Variants in PRPF4 observed in about 807,000 individuals in gnomAD.
PRPF4 encodes pre-mRNA splicing tri-snRNP complex factor PRPF4.
A neutral mutation model predicts 72.2 loss-of-function variants in PRPF4; 14 were observed. The observed-to-expected ratio is 0.19, with a 90% CI of 0.13 to 0.30. The LOEUF (loss-of-function observed/expected upper bound fraction) is 0.30. Ranked by LOEUF, PRPF4 falls within the 10% of genes least tolerant of loss-of-function variation. The probability of loss-of-function intolerance (pLI) is 1.00; values close to 1 mark genes in which losing one functional copy is unlikely to be tolerated. For missense variants in PRPF4, 478 were observed against 653.9 expected (o/e 0.73, Z 2.93); for synonymous variants, 225 against 232.2 (o/e 0.97, Z 0.28).
At position 113,279,075 on chromosome 9, in the gene PRPF4, A is replaced by G; in HGVS notation, c.336A>G (p.Arg112=). 1 of 1,614,216 alleles carries G rather than the reference A, an allele frequency of 6.2e-7. No individual in the cohort carries two copies. Among genetic ancestry groups the G allele is most frequent in the Non-Finnish European group, 8.5e-7 (1 of 1,180,032 alleles). The change falls in exon 3 of 14, where the codon AGA becomes AGG. Residue 112 remains arginine (R), a synonymous_variant. Coordinates refer to ENST00000374198, the MANE Select transcript of PRPF4 (RefSeq NM_001244926.2). ...TDDSEVKACL[R]ALGEPITLFG... ...ACTCAGAGGTCAAAGCTTGCCTTAG[A>G]GCCTTGGGGGAACCCATCACACTTT... is the stretch of plus-strand genomic sequence containing the variant.
At position 113,276,641 on chromosome 9, in the gene PRPF4, C is replaced by T. The variant is rs767289916; in HGVS notation, c.121C>T (p.Arg41Cys). ...YGSLEEKERE[R>C]LAKGESGILG... ...AAGTTTGGAAGAGAAGGAGAGGGAG[C>T]GTCTGGCCAAAGGAGAGTCTGGGAT... Residue 41 changes from arginine to cysteine, a missense_variant, in exon 2 of 14, where the codon CGT (arginine) becomes TGT (cysteine). Physicochemically the swap from Arg to Cys is radical, Grantham distance 180. Coordinates refer to ENST00000374198, the MANE Select transcript of PRPF4 (RefSeq NM_001244926.2). 1 of 1,614,008 alleles carries T rather than the reference C, an allele frequency of 6.2e-7. No individual in the cohort carries two copies. Among genetic ancestry groups the T allele is most frequent in the East Asian group, 2.2e-5 (1 of 44,872 alleles).
rs1268627965 is a variant in PRPF4, at chr9:113,291,654, T to C, written c.1560T>C (p.Ala520=). 23 of 1,613,774 alleles carry C rather than the reference T, an allele frequency of 1.4e-5. No individual in the cohort carries two copies. The highest frequency in any genetic ancestry group is 1.5e-5 in the Non-Finnish European group (18 of 1,179,804). Reference sequence around the variant, plus strand: ...ACAGGACCTTCAAGCTGTGGATGGCTGAATAGATGACAATGGGAAAAGGAC... The same window carrying C: ...ACAGGACCTTCAAGCTGTGGATGGCCGAATAGATGACAATGGGAAAAGGAC... The part of the protein sequence containing the change: ...SYDRTFKLWM[A]E Residue 520 remains alanine (A), a synonymous_variant, in exon 14 of 14, where the codon GCT becomes GCC. Transcript: ENST00000374198.
rs1011254596 is a variant in PRPF4 at position 113,291,922 on chromosome 9, C to A, written c.*262C>A. ...CTGTGTAGACATTGTTTTTATTAATCTTTTGTTTGGCCGGGCGTGGTGGCT... is the reference window on the plus strand; with the variant it reads ...CTGTGTAGACATTGTTTTTATTAATATTTTGTTTGGCCGGGCGTGGTGGCT... On this transcript the variant is annotated 3_prime_UTR_variant, in exon 14 of 14. Coordinates refer to ENST00000374198, the MANE Select transcript of PRPF4 (RefSeq NM_001244926.2). The A allele has an allele frequency of 4.5e-5, 13 of 291,232 alleles. No homozygotes were observed. The highest frequency in any genetic ancestry group is 2.2e-3 in the Middle Eastern group (2 of 926). 18.0% of individuals were successfully genotyped at this position (291,232 alleles called of 1,614,324 possible). A position where few individuals can be genotyped will look rare whatever the true frequency, so the allele number is the denominator to read the frequency against.
At chr9:113,281,218 G>T (rs1832272599) in intron 3 of PRPF4, among the ~76,000 whole-genome samples, 1 of 152,110 alleles carries the variant, frequency 6.6e-6, no homozygotes, top group Non-Finnish European at 1.5e-5. Context: ...TTTCGTTTCA[G>T]CATAGATGCC....
At chr9:113,291,391 T>G (rs1832604335) in intron 13 of PRPF4, 76 bp from the exon 14 acceptor site, 1 of 1,418,654 alleles carries the variant, frequency 7.0e-7, no homozygotes, top group Non-Finnish European at 9.6e-7. Context: ...AGTATGTTTT[T>G]GCAGACTTTT....
chr9:113,284,067 CAAAAAAA>C (rs538497931), intron 6 of PRPF4, among the ~76,000 whole-genome samples: 2 of 80,194 alleles, frequency 2.5e-5, no homozygotes, highest in Non-Finnish European at 5.2e-5. Flanking sequence ...GACTCTGTCT[CAAAAAAA>C]AAAAAAAAAA....
chr9:113,291,063 A>G (rs1223415741), intron 13 of PRPF4, 47 bp downstream of exon 13: 4 of 1,541,286 alleles, frequency 2.6e-6, no homozygotes, highest in Middle Eastern at 1.7e-4. Flanking sequence ...GACAAACAGT[A>G]TTGTGTTCCC....
In PRPF4 at chr9:113,282,641, A is replaced by G. The variant is rs1184540333; in HGVS notation, c.393-5A>G. The G allele has an allele frequency of 2.7e-6, 4 of 1,483,170 alleles. No individual in the cohort carries two copies. Among genetic ancestry groups the G allele is most frequent in the Non-Finnish European group, 3.6e-6 (4 of 1,099,400 alleles). The allele number at this position is 1,483,170 out of a possible 1,614,324, so 91.9% of individuals were successfully genotyped here. ...AATTCTGATCTTTTTTTTTTTTTTT[A>G]ACAGGTTAAGAAATATCCTCTCAGT... On this transcript the variant is annotated splice_region_variant and splice_polypyrimidine_tract_variant and intron_variant, in intron 3 of 13. Transcript: ENST00000374198.
At chr9:113,287,049 T>C (rs1349997347) in intron 9 of PRPF4, among the ~76,000 whole-genome samples, 2 of 152,182 alleles carry the variant, frequency 1.3e-5, no homozygotes, top group Admixed American at 6.5e-5. Flanking sequence ...AGACTCCGTC[T>C]TGAAAGAACA....
intron 6 of PRPF4, among the ~76,000 whole-genome samples, chr9:113,283,842 G>A (rs796142289): frequency 5.3e-5 from 8 of 152,144 alleles, no homozygotes; most frequent in Middle Eastern, 6.8e-3. Context: ...AGAGGCAGGC[G>A]GATGACTTGA....
At chr9:113,288,831 TAA>T (rs1157192748) in intron 10 of PRPF4, among the ~76,000 whole-genome samples, 3 of 152,232 alleles carry the variant, frequency 2.0e-5, no homozygotes, top group East Asian at 3.8e-4. Flanking sequence ...TACAGGTATA[TAA>T]GTCTCCCTTC....
Position 113,284,067 on chromosome 9 carries a change from CAA to C in PRPF4, c.655-210_655-209del, listed in dbSNP as rs538497931. Among the ~76,000 whole-genome samples the C allele has an allele frequency of 7.6e-3, 606 of 80,122 alleles. 2 individuals carry two copies. The highest frequency in any genetic ancestry group is 8.0e-3 in the African/African-American group (180 of 22,558). 52.6% of individuals were successfully genotyped at this position (80,122 alleles called of 152,430 possible). A position where few individuals can be genotyped will look rare whatever the true frequency, so the allele number is the denominator to read the frequency against. On this transcript the variant is annotated intron_variant, in intron 6 of 13. Transcript: ENST00000374198. ...TGGGCAACACAGCAAGACTCTGTCT[CAA>C]AAAAAAAAAAAAAAAAAGACTATAG...
intron 11 of PRPF4, 30 bp from the exon 12 acceptor site, chr9:113,290,670 A>G (rs753685616): frequency 9.9e-6 from 16 of 1,614,044 alleles, no homozygotes; most frequent in Non-Finnish European, 1.2e-5. Flanking sequence ...AACTGGATTC[A>G]AAGTGTTCAT....
Position 113,279,003 on chromosome 9 carries a change from G to A in PRPF4, c.264G>A (p.Glu88=). Residue 88 remains glutamate (E), a synonymous_variant, in exon 3 of 14, where the codon GAG becomes GAA. Coordinates refer to ENST00000374198, the MANE Select transcript of PRPF4 (RefSeq NM_001244926.2). ...ISERQAEVLA[E]FERRKRARQI... The stretch of plus-strand genomic sequence containing the variant: ...AGCGACAGGCAGAAGTATTGGCTGA[G>A]TTTGAGAGAAGGAAGCGAGCCCGGC... 1 of 1,614,228 alleles carries A rather than the reference G, an allele frequency of 6.2e-7. No individual in the cohort carries two copies. The highest frequency in any genetic ancestry group is 2.2e-5 in the East Asian group (1 of 44,886).
intron 13 of PRPF4, 133 bp from the exon 14 acceptor site, chr9:113,291,334 C>A: frequency 1.1e-6 from 1 of 876,704 alleles, no homozygotes; most frequent in Non-Finnish European, 1.7e-6. Context: ...AAAGACCTTA[C>A]TGTTATTTGT....
At chr9:113,290,017 C>T (rs1159417757) in intron 10 of PRPF4, among the ~76,000 whole-genome samples, 6 of 152,002 alleles carry the variant, frequency 3.9e-5, no homozygotes, top group African/African-American at 1.5e-4. Flanking sequence ...CTCAGGAGTT[C>T]GAGACCAGCC....
chr9:113,286,976 C>T (rs768683320), intron 9 of PRPF4, 148 bp downstream of exon 9: 70 of 1,199,034 alleles, frequency 5.8e-5, no homozygotes, highest in African/African-American at 7.6e-5. Flanking sequence ...TGCTTAAACC[C>T]GGGAAATGGA....
intron 2 of PRPF4, among the ~76,000 whole-genome samples, chr9:113,278,284 A>G (rs1402340803): frequency 1.1e-4 from 16 of 152,180 alleles, no homozygotes; most frequent in Admixed American, 9.2e-4. Flanking sequence ...TAAAATGAAG[A>G]CTCCTCTGCA....
intron 7 of PRPF4, among the ~76,000 whole-genome samples, chr9:113,285,536 A>G (rs969744691): frequency 4.0e-5 from 6 of 149,700 alleles, no homozygotes; most frequent in African/African-American, 7.4e-5. Flanking sequence ...CCGCCACCGC[A>G]CCCAGCTAAT....
Sources: allele counts gnomAD v4.1 joint callset (sites outside exome capture counted in the v4.1 genomes callset), GRCh38; gene constraint gnomAD v4.1.1; transcripts MANE v1.5; gene names NCBI Gene and HGNC (gene_info 2026-07-23, HGNC 2026-07-21).